Variants in MDFIC observed in about 807,000 individuals in gnomAD.
The protein encoded by MDFIC is MyoD family inhibitor domain containing, also known as myoD family inhibitor domain-containing protein.
MDFIC carries 17 observed loss-of-function variants against 23.2 expected under a neutral mutation model. The ratio of observed to expected loss-of-function variants is 0.73; its 90% CI spans 0.50 to 1.10. The LOEUF is 1.10. Ranked by LOEUF, MDFIC falls within the 50% of genes least tolerant of loss-of-function variation. MDFIC has a pLI of 0.00. For missense variants in MDFIC, 356 were observed against 316.6 expected, an observed-to-expected ratio of 1.12 and a Z score of -0.95; for synonymous variants, 120 against 115.2, an observed-to-expected ratio of 1.04 and a Z score of -0.27.
At chr7:114,954,347 C>T (rs1423870019) in intron 3 of MDFIC, among the ~76,000 whole-genome samples, 1 of 152,222 alleles carries the variant, frequency 6.6e-6, no homozygotes, top group Non-Finnish European at 1.5e-5. Flanking sequence ...CTGGAATCTG[C>T]AAATGATCTT....
intron 3 of MDFIC, among the ~76,000 whole-genome samples, chr7:114,944,039 C>A (rs1251570975): frequency 6.6e-6 from 1 of 151,986 alleles, no homozygotes; most frequent in African/African-American, 2.4e-5. Flanking sequence ...AGAATCCATA[C>A]CATTAAAAAG....
chr7:114,953,932 C>T (rs1442933260), intron 3 of MDFIC, among the ~76,000 whole-genome samples: 1 of 152,160 alleles, frequency 6.6e-6, no homozygotes, highest in Non-Finnish European at 1.5e-5. Flanking sequence ...CCACCTTTCT[C>T]CCCCTGCTGG....
intron 4 of MDFIC, among the ~76,000 whole-genome samples, chr7:115,001,720 AT>A (rs147364626): frequency 6.6e-6 from 1 of 152,030 alleles, no homozygotes; most frequent in Non-Finnish European, 1.5e-5. Flanking sequence ...AGTGCCTTTG[AT>A]TTTTTGTTCC....
chr7:114,929,806 T>TG (rs1347728388), intron 2 of MDFIC, among the ~76,000 whole-genome samples: 2 of 151,872 alleles, frequency 1.3e-5, no homozygotes, highest in Non-Finnish European at 2.9e-5. Flanking sequence ...AAAATGAAGA[T>TG]GAAAGGAGAT....
chr7:114,957,227 A>G (rs1563142035), intron 3 of MDFIC, among the ~76,000 whole-genome samples: 1 of 152,144 alleles, frequency 6.6e-6, no homozygotes, highest in Non-Finnish European at 1.5e-5. Context: ...GGTTTATGTT[A>G]TATTTGAGTA....
chr7:114,966,405 CAAAAA>C (rs61377366), intron 3 of MDFIC, among the ~76,000 whole-genome samples: 1 of 121,306 alleles, frequency 8.2e-6, no homozygotes, highest in Non-Finnish European at 1.7e-5. Flanking sequence ...GTCAGGAAAC[CAAAAA>C]AAAAAAAAAA....
At chr7:114,949,182 A>C (rs919253516) in intron 3 of MDFIC, among the ~76,000 whole-genome samples, 7 of 152,080 alleles carry the variant, frequency 4.6e-5, no homozygotes, top group Admixed American at 1.3e-4. Context: ...TCTATATCCT[A>C]CTTCTTTTGT....
In MDFIC at chr7:114,922,518, C is replaced by G; in HGVS notation, c.-226C>G. On this transcript the variant is annotated 5_prime_UTR_variant, in exon 1 of 5. Transcript: ENST00000393486. ...GAGGACGCGCAGGGGCGGCCGCCGC[C>G]GTCGTCAGGCCACCGGGGCGAAAAT... 1 of 1,259,862 alleles carries G rather than the reference C, an allele frequency of 7.9e-7. No homozygotes were observed. Among genetic ancestry groups the G allele is most frequent in the Non-Finnish European group, 1.0e-6 (1 of 996,330 alleles). The allele number at this position is 1,259,862 out of a possible 1,614,324, so 78.0% of individuals were successfully genotyped here.
At chr7:114,973,213 T>C (rs1793243033) in intron 3 of MDFIC, among the ~76,000 whole-genome samples, 1 of 151,906 alleles carries the variant, frequency 6.6e-6, no homozygotes, top group Non-Finnish European at 1.5e-5. Context: ...GTCTCAGCAT[T>C]AATTCTATAG....
At chr7:114,923,541 C>T (rs564349994) in intron 2 of MDFIC, 1 of 1,536,844 alleles carries the variant, frequency 6.5e-7, no homozygotes, top group East Asian at 2.4e-5. Context: ...TTCTTGTTGG[C>T]TCCTCTACCA....
chr7:114,991,208 C>G (rs542505453), intron 4 of MDFIC, among the ~76,000 whole-genome samples: 1 of 152,130 alleles, frequency 6.6e-6, no homozygotes, highest in South Asian at 2.1e-4. Flanking sequence ...TTGTTTTTTT[C>G]TTGTAAATTT....
Position 114,942,384 on chromosome 7 carries a change from T to C in MDFIC, c.204T>C (p.Gly68=), listed in dbSNP as rs1201461919. Reference sequence around the variant, plus strand: ...CCATTTGGGGAAATCCTTCGGATGGTGAACTCATTAGAAGTAAGTATTTTT... The same window carrying C: ...CCATTTGGGGAAATCCTTCGGATGGCGAACTCATTAGAAGTAAGTATTTTT... ...DQSIWGNPSD[G]ELIRTQPQRL... The change falls in exon 3 of 5, where the codon GGT becomes GGC. Residue 68 remains glycine, a synonymous_variant. Transcript: ENST00000393486. 6.3e-7 allele frequency: 1 copy of C among 1,599,006 alleles called. No homozygotes were observed. The highest frequency in any genetic ancestry group is 2.3e-5 in the East Asian group (1 of 44,402).
At chr7:114,939,543 A>AAAATGTGATAAAC (rs1186138992) in intron 2 of MDFIC, among the ~76,000 whole-genome samples, 2 of 152,178 alleles carry the variant, frequency 1.3e-5, no homozygotes, top group Admixed American at 1.3e-4. Flanking sequence ...AATGTGATAA[A>AAAATGTGATAAAC]TTGTCCATTA....
chr7:114,929,561 A>G (rs1792270180), intron 2 of MDFIC, among the ~76,000 whole-genome samples: 1 of 152,208 alleles, frequency 6.6e-6, no homozygotes, highest in South Asian at 2.1e-4. Flanking sequence ...AGATGGTGGA[A>G]AAGTAGAAAT....
chr7:114,974,523 C>G (rs529922691), intron 3 of MDFIC, among the ~76,000 whole-genome samples: 2 of 152,166 alleles, frequency 1.3e-5, no homozygotes, highest in South Asian at 4.1e-4. Flanking sequence ...GTACAACAAC[C>G]ATTTAAACTG....
chr7:114,923,773 CTTT>C (rs1450801554), intron 2 of MDFIC: 1 of 730,576 alleles, frequency 1.4e-6, no homozygotes, highest in Non-Finnish European at 1.9e-6. Flanking sequence ...CGAGTTGAAC[CTTT>C]CTTCTCTTGA....
At chr7:115,012,637 G>A (rs1791702931) in intron 4 of MDFIC, among the ~76,000 whole-genome samples, 2 of 152,088 alleles carry the variant, frequency 1.3e-5, no homozygotes, top group South Asian at 2.1e-4. Context: ...TAAGAACAGC[G>A]ATGTTAGGAG....
At chr7:114,974,434 T>C (rs963436000) in intron 3 of MDFIC, among the ~76,000 whole-genome samples, 8 of 152,062 alleles carry the variant, frequency 5.3e-5, no homozygotes, top group East Asian at 1.9e-4. Context: ...CAAGTCATTT[T>C]CCCCCTCCAT....
rs903585293 is a variant in MDFIC, at chr7:115,018,462, C to G, written c.*2527C>G. 1 of 152,170 alleles carries G rather than the reference C, an allele frequency of 6.6e-6. No homozygotes were observed. Among genetic ancestry groups the G allele is most frequent in the South Asian group, 2.1e-4 (1 of 4,832 alleles). The allele number at this position is 152,170 out of a possible 1,614,324, so 9.4% of individuals were successfully genotyped here. On this transcript the variant is annotated 3_prime_UTR_variant, in exon 5 of 5. Transcript: ENST00000393486. Reference sequence around the variant, plus strand: ...AGAATTTTATTTTTGTATTTATGTTCATAGTACTTTTCCTCTTGTCTACTC... The same window carrying G: ...AGAATTTTATTTTTGTATTTATGTTGATAGTACTTTTCCTCTTGTCTACTC...
Sources: allele counts gnomAD v4.1 joint callset (sites outside exome capture counted in the v4.1 genomes callset), GRCh38; gene constraint gnomAD v4.1.1; transcripts MANE v1.5; gene names NCBI Gene and HGNC (gene_info 2026-07-23, HGNC 2026-07-21).